Variants in TUSC3 observed in about 807,000 individuals in gnomAD.
TUSC3 encodes the protein dolichyl-diphosphooligosaccharide--protein glycosyltransferase subunit TUSC3.
TUSC3 carries 45 observed loss-of-function variants against 44.8 expected under a neutral mutation model. That is an observed-to-expected ratio of 1.00 (90% confidence interval 0.79 to 1.29). The LOEUF (loss-of-function observed/expected upper bound fraction) is 1.29. TUSC3 is among the 50% of genes most tolerant of loss of function. The probability of loss-of-function intolerance (pLI) is 0.00; values close to 1 mark genes in which losing one functional copy is unlikely to be tolerated. For synonymous variants in TUSC3, 212 were observed against 152.9 expected, an observed-to-expected ratio of 1.39 and a Z score of -2.85; for missense variants, 519 against 437.9, an observed-to-expected ratio of 1.19 and a Z score of -1.65.
intron 1 of TUSC3, among the ~76,000 whole-genome samples, chr8:15,556,855 G>T (rs1425213365): frequency 6.8e-4 from 92 of 135,556 alleles, no homozygotes; most frequent in East Asian, 3.6e-3. Flanking sequence ...GGGGTTGTTT[G>T]TTTTTTTCTT....
chr8:15,675,150 T>C (rs1235888469), intron 6 of TUSC3, among the ~76,000 whole-genome samples: 5 of 152,162 alleles, frequency 3.3e-5, no homozygotes, highest in African/African-American at 1.2e-4. Context: ...GAATGGATTT[T>C]ATCAGGTTTT....
At chr8:15,719,786 C>T (rs1293412743) in intron 6 of TUSC3, among the ~76,000 whole-genome samples, 1 of 152,046 alleles carries the variant, frequency 6.6e-6, no homozygotes, top group African/African-American at 2.4e-5. Context: ...GGAAACTGCG[C>T]CATATGTTGC....
the TUSC3 span, among the ~76,000 whole-genome samples, chr8:15,816,082 T>C: frequency 1.3e-5 from 2 of 152,162 alleles, no homozygotes; most frequent in African/African-American, 4.8e-5. Flanking sequence ...TCAACATGAA[T>C]GGCAGTTAAG....
intron 2 of TUSC3, among the ~76,000 whole-genome samples, chr8:15,504,261 C>G (rs998662874): frequency 2.6e-5 from 4 of 151,872 alleles, no homozygotes. Context: ...AAATAAAGAT[C>G]GCTGGAGATC....
chr8:15,436,971 C>G (rs959863411), intron 1 of TUSC3, among the ~76,000 whole-genome samples: 1 of 152,130 alleles, frequency 6.6e-6, no homozygotes, highest in African/African-American at 2.4e-5. Context: ...TAGCGATTCT[C>G]ACAATAGTAC....
intron 6 of TUSC3, among the ~76,000 whole-genome samples, chr8:15,692,763 G>GT (rs1193111768): frequency 6.6e-6 from 1 of 151,646 alleles, no homozygotes; most frequent in African/African-American, 2.4e-5. Context: ...AGTCTAGCTA[G>GT]TGGTCAATTT....
At chr8:15,481,245 C>G (rs977766244) in intron 1 of TUSC3, among the ~76,000 whole-genome samples, 11 of 88,404 alleles carry the variant, frequency 1.2e-4, no homozygotes, top group Admixed American at 9.3e-4. Context: ...GAAACTCCAT[C>G]TCAAAAAAAA....
intron 6 of TUSC3, among the ~76,000 whole-genome samples, chr8:15,681,694 T>G (rs1364128636): frequency 1.3e-5 from 2 of 152,008 alleles, no homozygotes; most frequent in African/African-American, 2.4e-5. Flanking sequence ...ATTTTAGTTA[T>G]TTATTTTTGT....
At chr8:15,668,983 G>A (rs983899667) in intron 5 of TUSC3, among the ~76,000 whole-genome samples, 1 of 151,738 alleles carries the variant, frequency 6.6e-6, no homozygotes, top group African/African-American at 2.4e-5. Context: ...GCAGAGTAGA[G>A]TATTTTGCAA....
At chr8:15,494,336 G>A (rs959523381) in intron 2 of TUSC3, among the ~76,000 whole-genome samples, 1 of 51,538 alleles carries the variant, frequency 1.9e-5, no homozygotes, top group African/African-American at 6.2e-5. Context: ...TTTTTTTTTT[G>A]AGACAGAGTC....
chr8:15,561,297 C>T (rs1292718726), intron 1 of TUSC3, among the ~76,000 whole-genome samples: 1 of 148,088 alleles, frequency 6.8e-6, no homozygotes, highest in Admixed American at 6.8e-5. Flanking sequence ...CTGGGGGGTG[C>T]CTCCCAGTTC....
chr8:15,658,143 T>G (rs557056840), intron 3 of TUSC3, among the ~76,000 whole-genome samples: 3 of 152,170 alleles, frequency 2.0e-5, no homozygotes, highest in Non-Finnish European at 4.4e-5. Flanking sequence ...ATAGCAAACA[T>G]GGACCAACTC....
intron 2 of TUSC3, among the ~76,000 whole-genome samples, chr8:15,486,620 T>C (rs1800736215): frequency 6.6e-6 from 1 of 151,832 alleles, no homozygotes; most frequent in African/African-American, 2.4e-5. Flanking sequence ...AATTTTTGTA[T>C]TTTTAGTAGA....
the TUSC3 span, chr8:15,806,184 T>A: frequency 2.1e-6 from 1 of 486,246 alleles, no homozygotes; most frequent in South Asian, 1.9e-5. Flanking sequence ...GTCACTGTCA[T>A]CATTTTTATA....
chr8:15,734,707 G>A (rs987374950), intron 7 of TUSC3, among the ~76,000 whole-genome samples: 1 of 152,184 alleles, frequency 6.6e-6, no homozygotes, highest in African/African-American at 2.4e-5. Flanking sequence ...CTAACTCCCT[G>A]TCTAGAGAAT....
At chr8:15,449,536 T>G (rs1800165096) in intron 1 of TUSC3, among the ~76,000 whole-genome samples, 1 of 152,086 alleles carries the variant, frequency 6.6e-6, no homozygotes, top group South Asian at 2.1e-4. Context: ...TTGGTTAAAA[T>G]CAGTGGTGGA....
chr8:15,487,959 C>T (rs1050308581), intron 2 of TUSC3, among the ~76,000 whole-genome samples: 2 of 148,788 alleles, frequency 1.3e-5, no homozygotes, highest in African/African-American at 5.0e-5. Context: ...AAAACACTCT[C>T]GTCTGAAATT....
chr8:15,664,746 C>T (rs1807581155), intron 5 of TUSC3, among the ~76,000 whole-genome samples: 1 of 149,206 alleles, frequency 6.7e-6, no homozygotes, highest in African/African-American at 2.4e-5. Context: ...TGTTTGATGG[C>T]CTTTGGCAAC....
chr8:15,514,824 C>G (rs1801192128), intron 2 of TUSC3, among the ~76,000 whole-genome samples: 1 of 152,154 alleles, frequency 6.6e-6, no homozygotes. Flanking sequence ...ATGACTCAGC[C>G]ACTCGCTAGG....
Sources: allele counts gnomAD v4.1 joint callset (sites outside exome capture counted in the v4.1 genomes callset), GRCh38; gene constraint gnomAD v4.1.1; transcripts MANE v1.5; gene names NCBI Gene and HGNC (gene_info 2026-07-23, HGNC 2026-07-21).